Variants in DOCK3 observed in about 807,000 individuals in gnomAD.
The protein encoded by DOCK3 is dedicator of cytokinesis 3.
In DOCK3, 60 loss-of-function variants were observed where a neutral mutation model predicts 265.6. The ratio of observed to expected loss-of-function variants is 0.23; its 90% CI spans 0.18 to 0.28. DOCK3 has a LOEUF of 0.28. Ranked by LOEUF, DOCK3 falls within the 10% of genes least tolerant of loss-of-function variation. DOCK3 has a pLI of 1.00. For synonymous variants in DOCK3, 881 were observed against 938.0 expected (o/e 0.94, Z 1.11); for missense variants, 1,981 against 2,594.3 (o/e 0.76, Z 5.14).
intron 2 of DOCK3, among the ~76,000 whole-genome samples, chr3:50,797,892 C>T (rs935302673): frequency 2.6e-5 from 4 of 152,012 alleles, no homozygotes; most frequent in South Asian, 2.1e-4. Context: ...GAACATTAAT[C>T]GTATTTTCAA....
intron 5 of DOCK3, among the ~76,000 whole-genome samples, chr3:51,038,225 G>A (rs554767015): frequency 7.2e-4 from 110 of 152,252 alleles, no homozygotes; most frequent in African/African-American, 2.6e-3. Context: ...GTAAGTTAGG[G>A]TATGTATAGG....
chr3:50,715,448 G>T (rs2037042735), intron 1 of DOCK3, among the ~76,000 whole-genome samples: 1 of 152,172 alleles, frequency 6.6e-6, no homozygotes, highest in Non-Finnish European at 1.5e-5. Context: ...CTACTCTGGA[G>T]GCTGAGGTGG....
intron 1 of DOCK3, among the ~76,000 whole-genome samples, chr3:50,732,000 C>T (rs59166936): frequency 9.3e-5 from 14 of 151,214 alleles, no homozygotes; most frequent in South Asian, 8.4e-4. Flanking sequence ...ATATTAGTTA[C>T]GGAGTTTGGC....
At chr3:51,151,363 A>G (rs188781959) in intron 10 of DOCK3, among the ~76,000 whole-genome samples, 70 of 152,278 alleles carry the variant, frequency 4.6e-4, no homozygotes, top group South Asian at 2.7e-3. Context: ...TGTTAAAAGG[A>G]AAACTAACAA....
At chr3:50,858,656 G>A (rs1186982366) in intron 3 of DOCK3, among the ~76,000 whole-genome samples, 1 of 152,092 alleles carries the variant, frequency 6.6e-6, no homozygotes, top group South Asian at 2.1e-4. Flanking sequence ...GTAGAATCTT[G>A]CAAGAGTTCT....
intron 6 of DOCK3, among the ~76,000 whole-genome samples, chr3:51,071,969 A>G (rs1458563252): frequency 6.6e-6 from 1 of 152,004 alleles, no homozygotes; most frequent in Non-Finnish European, 1.5e-5. Context: ...AGTAGGAGGA[A>G]CTCTTTTTGG....
intron 1 of DOCK3, among the ~76,000 whole-genome samples, chr3:50,737,739 C>T (rs1379262317): frequency 6.6e-6 from 1 of 152,134 alleles, no homozygotes; most frequent in African/African-American, 2.4e-5. Flanking sequence ...TCTTCAGTTG[C>T]AGAATTTGTT....
intron 32 of DOCK3, among the ~76,000 whole-genome samples, chr3:51,322,005 A>G (rs1024591652): frequency 3.3e-5 from 5 of 152,294 alleles, no homozygotes; most frequent in African/African-American, 9.6e-5. Flanking sequence ...CTCGAGAAGA[A>G]CAACCCCAAG....
chr3:51,246,683 T>C (rs1463322693), intron 21 of DOCK3, 43 bp from the exon 22 acceptor site: 29 of 1,577,550 alleles, frequency 1.8e-5, no homozygotes, highest in Non-Finnish European at 2.5e-5. Flanking sequence ...GCTGCATTAC[T>C]TTTGAATTAA....
chr3:51,024,862 C>G (rs924031762), intron 5 of DOCK3, among the ~76,000 whole-genome samples: 3 of 152,168 alleles, frequency 2.0e-5, no homozygotes, highest in African/African-American at 7.2e-5. Context: ...TAGTAGTGAA[C>G]TTGTCACGTG....
intron 14 of DOCK3, 52 bp downstream of exon 14, chr3:51,214,299 G>GCCTTAGCATTATTTGGTAT: frequency 1.9e-6 from 3 of 1,603,210 alleles, no homozygotes; most frequent in Non-Finnish European, 2.6e-6. Flanking sequence ...GATGGAATCT[G>GCCTTAGCATTATTTGGTAT]GTGCTCCCCT....
chr3:50,823,165 T>C, intron 2 of DOCK3, among the ~76,000 whole-genome samples: 1 of 151,952 alleles, frequency 6.6e-6, no homozygotes, highest in East Asian at 2.0e-4. Flanking sequence ...TATTTATTTA[T>C]TTATTTTTTT....
At chr3:51,236,606 T>G (rs2078360555) in intron 20 of DOCK3, among the ~76,000 whole-genome samples, 178 bp downstream of exon 20, 1 of 152,158 alleles carries the variant, frequency 6.6e-6, no homozygotes, top group Non-Finnish European at 1.5e-5. Context: ...AGATCAAACT[T>G]GAAGAATCCA....
chr3:51,048,623 C>A (rs2080865911), intron 5 of DOCK3, among the ~76,000 whole-genome samples: 1 of 152,120 alleles, frequency 6.6e-6, no homozygotes, highest in African/African-American at 2.4e-5. Context: ...AGCAAAGGTG[C>A]CATTATCTCA....
At chr3:51,347,902 T>C (rs1049812226) in intron 38 of DOCK3, among the ~76,000 whole-genome samples, 5 of 152,208 alleles carry the variant, frequency 3.3e-5, no homozygotes, top group Non-Finnish European at 5.9e-5. Flanking sequence ...TTTGAAGCAA[T>C]TGTGAATGGG....
chr3:50,877,352 G>A (rs138617371), intron 3 of DOCK3: 3 of 487,002 alleles, frequency 6.2e-6, no homozygotes, highest in Non-Finnish European at 1.2e-5. Context: ...TTTCAGCATT[G>A]TACTAGTATC....
At chr3:51,205,274 A>G (rs1364265580) in intron 12 of DOCK3, among the ~76,000 whole-genome samples, 3 of 152,202 alleles carry the variant, frequency 2.0e-5, no homozygotes, top group African/African-American at 4.8e-5. Flanking sequence ...TTTTACCTAA[A>G]TATGCCTTTA....
intron 2 of DOCK3, among the ~76,000 whole-genome samples, chr3:50,799,695 T>G (rs1177982042): frequency 6.6e-6 from 1 of 152,190 alleles, no homozygotes; most frequent in African/African-American, 2.4e-5. Context: ...TTGATGCCTC[T>G]TATTTATTTT....
At chr3:51,210,677 A>ATTT (rs1368812695) in intron 13 of DOCK3, among the ~76,000 whole-genome samples, 1 of 152,312 alleles carries the variant, frequency 6.6e-6, no homozygotes, top group East Asian at 1.9e-4. Flanking sequence ...CTCAAGGAAT[A>ATTT]TTTCAGGTCT....
Sources: gnomAD v4.1 joint callset for allele counts (sites outside exome capture counted in the v4.1 genomes callset) on GRCh38, gnomAD v4.1.1 for gene constraint, MANE v1.5 for transcripts, NCBI Gene and HGNC (gene_info 2026-07-23, HGNC 2026-07-21) for gene names.